ASAP1: variants seen among roughly 807,000 people sequenced by gnomAD.
The protein encoded by ASAP1 is arf-GAP with SH3 domain, ANK repeat and PH domain-containing protein 1.
ASAP1 carries 43 observed loss-of-function variants against 145.2 expected under a neutral mutation model. The observed-to-expected ratio is 0.30, with a 90% CI of 0.23 to 0.38. The LOEUF is 0.38. Ranked by LOEUF, ASAP1 falls within the 10% of genes least tolerant of loss-of-function variation. The pLI is 1.00. For synonymous variants in ASAP1, 546 were observed against 515.5 expected (o/e 1.06, Z -0.80); for missense variants, 1,018 against 1,355.3 (o/e 0.75, Z 3.91).
intron 12 of ASAP1, among the ~76,000 whole-genome samples, chr8:130,155,377 G>A (rs969017486): frequency 3.9e-5 from 6 of 152,168 alleles, no homozygotes; most frequent in Non-Finnish European, 5.9e-5. Flanking sequence ...GATCTTTTGT[G>A]TGCGAGAGAG....
chr8:130,394,651 C>T (rs1030187884), intron 2 of ASAP1, among the ~76,000 whole-genome samples: 6 of 152,242 alleles, frequency 3.9e-5, no homozygotes, highest in South Asian at 2.1e-4. Context: ...GCTGGTTTTG[C>T]GGCTTGTGGG....
chr8:130,068,672 C>T (rs888271266), intron 27 of ASAP1, among the ~76,000 whole-genome samples: 3 of 152,172 alleles, frequency 2.0e-5, no homozygotes, highest in African/African-American at 7.2e-5. Context: ...TAACTGGCAG[C>T]TTGGTGGAAC....
At chr8:130,076,858 A>C (rs974202107) in intron 26 of ASAP1, among the ~76,000 whole-genome samples, 1 of 152,086 alleles carries the variant, frequency 6.6e-6, no homozygotes, top group Admixed American at 6.6e-5. Context: ...TATTTTCCAT[A>C]TTTCAGTTTG....
At chr8:130,307,572 A>G (rs2137498882) in intron 3 of ASAP1, among the ~76,000 whole-genome samples, 1 of 151,988 alleles carries the variant, frequency 6.6e-6, no homozygotes, top group East Asian at 1.9e-4. Flanking sequence ...TCTCCCCAAC[A>G]CCCAACAGGT....
At chr8:130,426,316 A>G (rs938238252) in intron 1 of ASAP1, among the ~76,000 whole-genome samples, 8 of 152,154 alleles carry the variant, frequency 5.3e-5, no homozygotes, top group African/African-American at 1.9e-4. Context: ...TACAGCCTGC[A>G]GAACCATGTG....
At chr8:130,074,833 G>A (rs1048180322) in intron 27 of ASAP1, among the ~76,000 whole-genome samples, 2 of 152,206 alleles carry the variant, frequency 1.3e-5, no homozygotes, top group African/African-American at 4.8e-5. Flanking sequence ...GACCATGTGA[G>A]GTCAGCAGTC....
intron 24 of ASAP1, among the ~76,000 whole-genome samples, chr8:130,109,201 A>G (rs1487910317): frequency 1.3e-5 from 2 of 152,102 alleles, no homozygotes; most frequent in Non-Finnish European, 2.9e-5. Context: ...TCGGGACCCC[A>G]CATCTGAAGA....
chr8:130,143,512 C>A (rs1332245645), intron 13 of ASAP1, among the ~76,000 whole-genome samples: 1 of 151,624 alleles, frequency 6.6e-6, no homozygotes, highest in Non-Finnish European at 1.5e-5. Context: ...ATTTTACACA[C>A]CCCTCTCCTA....
chr8:130,357,952 GGAGATCCTC>G, intron 3 of ASAP1, 56 bp downstream of exon 3: 2 of 1,535,090 alleles, frequency 1.3e-6, no homozygotes, highest in Non-Finnish European at 1.7e-6. Flanking sequence ...AGCTCGGAGA[GGAGATCCTC>G]CAGCTGCGCG....
intron 23 of ASAP1, 173 bp downstream of exon 23, chr8:130,115,455 A>G: frequency 1.7e-6 from 1 of 597,850 alleles, no homozygotes; most frequent in Admixed American, 3.2e-5. Context: ...TCTCTGGACA[A>G]CCTTAATATA....
intron 27 of ASAP1, among the ~76,000 whole-genome samples, chr8:130,064,813 C>T (rs887431153): frequency 3.9e-5 from 6 of 152,040 alleles, no homozygotes; most frequent in Admixed American, 3.3e-4. Flanking sequence ...TCCAACAATC[C>T]CCTCTGGGTT....
chr8:130,408,186 G>A (rs1212028013), intron 1 of ASAP1, among the ~76,000 whole-genome samples: 1 of 152,130 alleles, frequency 6.6e-6, no homozygotes, highest in Non-Finnish European at 1.5e-5. Flanking sequence ...CCTTATTGTT[G>A]TTTTATGTGT....
intron 3 of ASAP1, among the ~76,000 whole-genome samples, chr8:130,292,984 A>G (rs965720216): frequency 6.6e-6 from 1 of 152,234 alleles, no homozygotes; most frequent in Non-Finnish European, 1.5e-5. Context: ...TTAGCAGCTC[A>G]GTCTGGGAAG....
chr8:130,102,143 G>C (rs1554823026), intron 24 of ASAP1, among the ~76,000 whole-genome samples: 1 of 152,112 alleles, frequency 6.6e-6, no homozygotes, highest in Non-Finnish European at 1.5e-5. Context: ...ATCTGAGCAG[G>C]AGTGGTCAAA....
At chr8:130,263,328 G>A (rs1209197392) in intron 3 of ASAP1, among the ~76,000 whole-genome samples, 1 of 152,130 alleles carries the variant, frequency 6.6e-6, no homozygotes, top group Admixed American at 6.6e-5. Context: ...CACCCTCTCA[G>A]GAATTTGAAC....
intron 13 of ASAP1, among the ~76,000 whole-genome samples, chr8:130,140,428 G>A (rs1344665673): frequency 6.6e-6 from 1 of 151,730 alleles, no homozygotes; most frequent in African/African-American, 2.4e-5. Flanking sequence ...AGGTAAACAT[G>A]TGTCACAGGG....
intron 24 of ASAP1, among the ~76,000 whole-genome samples, chr8:130,092,460 C>T (rs2097507596): frequency 6.6e-6 from 1 of 152,046 alleles, no homozygotes; most frequent in African/African-American, 2.4e-5. Context: ...GACGCCATCT[C>T]TATAAAAATT....
At chr8:130,133,605 G>A (rs905853823) in intron 15 of ASAP1, among the ~76,000 whole-genome samples, 6 of 151,838 alleles carry the variant, frequency 4.0e-5, no homozygotes, top group African/African-American at 9.7e-5. Flanking sequence ...GCAGTGAGCC[G>A]AGATTGCGCC....
intron 18 of ASAP1, among the ~76,000 whole-genome samples, chr8:130,120,220 T>C (rs747125922): frequency 2.6e-5 from 4 of 152,236 alleles, no homozygotes; most frequent in Non-Finnish European, 5.9e-5. Flanking sequence ...ATTAGAGGAC[T>C]TCCAGTAACC....
Sources: gnomAD v4.1 joint callset for allele counts (sites outside exome capture counted in the v4.1 genomes callset) on GRCh38, gnomAD v4.1.1 for gene constraint, MANE v1.5 for transcripts, NCBI Gene and HGNC (gene_info 2026-07-23, HGNC 2026-07-21) for gene names.